TTC6: variants seen among roughly 807,000 people sequenced by gnomAD.
TTC6 encodes the protein tetratricopeptide repeat protein 6.
In TTC6, 172 loss-of-function variants were observed where a neutral mutation model predicts 210.4. The observed-to-expected ratio is 0.82, with a 90% CI of 0.72 to 0.93. The LOEUF (loss-of-function observed/expected upper bound fraction) is 0.93, where lower values mean the gene tolerates loss of function less well. TTC6 is among the 40% of genes least tolerant of loss of function. The probability of loss-of-function intolerance (pLI) is 0.00; values close to 1 mark genes in which losing one functional copy is unlikely to be tolerated. For missense variants in TTC6, 2,414 were observed against 2,318.1 expected, an observed-to-expected ratio of 1.04 and a Z score of -0.85; for synonymous variants, 804 against 819.6, an observed-to-expected ratio of 0.98 and a Z score of 0.32.
At chr14:37,759,790 T>C (rs555630344) in intron 14 of TTC6, among the ~76,000 whole-genome samples, 83 of 152,342 alleles carry the variant, frequency 5.4e-4, no homozygotes, top group African/African-American at 1.8e-3. Context: ...CTTGATTGAT[T>C]TGGCTATTGA....
intron 14 of TTC6, among the ~76,000 whole-genome samples, chr14:37,773,013 A>AT (rs1198702753): frequency 6.6e-6 from 1 of 152,008 alleles, no homozygotes; most frequent in Non-Finnish European, 1.5e-5. Context: ...GATATTGAGC[A>AT]TTTTTTCATA....
intron 29 of TTC6, among the ~76,000 whole-genome samples, chr14:37,835,962 C>T (rs1357807840): frequency 1.3e-5 from 2 of 152,140 alleles, no homozygotes; most frequent in Admixed American, 1.3e-4. Flanking sequence ...TTTCTCTGCT[C>T]AGAAAGTCCA....
chr14:37,612,969 T>C (rs2095637039), intron 2 of TTC6, among the ~76,000 whole-genome samples: 1 of 152,194 alleles, frequency 6.6e-6, no homozygotes, highest in Admixed American at 6.5e-5. Flanking sequence ...TTTATTACTT[T>C]TATTTCTTTA....
intron 1 of TTC6, among the ~76,000 whole-genome samples, chr14:37,665,719 T>C (rs2095746653): frequency 6.6e-6 from 1 of 150,638 alleles, no homozygotes; most frequent in African/African-American, 2.4e-5. Flanking sequence ...GAAAAAGGGC[T>C]ATGTGAGAAG....
intron 5 of TTC6, among the ~76,000 whole-genome samples, chr14:37,714,166 T>C (rs2095848820): frequency 6.6e-6 from 1 of 152,168 alleles, no homozygotes; most frequent in Non-Finnish European, 1.5e-5. Context: ...TATATTCTCA[T>C]GTATATGTAG....
At chr14:37,842,132 T>G in intron 30 of TTC6, 23 bp from the exon 33 acceptor site, 1 of 1,493,998 alleles carries the variant, frequency 6.7e-7, no homozygotes, top group African/African-American at 1.4e-5. Flanking sequence ...CTTAAATATA[T>G]CTTGATTTTT....
intron 9 of TTC6, among the ~76,000 whole-genome samples, chr14:37,738,121 G>A (rs2095906966): frequency 6.6e-6 from 1 of 150,992 alleles, no homozygotes; most frequent in Admixed American, 6.6e-5. Flanking sequence ...TTTATCTTGT[G>A]TAAGTAATGA....
At chr14:37,756,808 C>CTT (rs530310304) in intron 14 of TTC6, among the ~76,000 whole-genome samples, 1 of 151,166 alleles carries the variant, frequency 6.6e-6, no homozygotes, top group African/African-American at 2.4e-5. Context: ...CTGAAATTTT[C>CTT]TTTTTTTTTG....
Position 37,665,466 on chromosome 14 carries a change from T to G in TTC6, c.940-14685T>G, listed in dbSNP as rs1012117154. 2.5e-4 allele frequency among the ~76,000 whole-genome samples: 37 copies of G among 149,896 alleles called. 5 individuals are homozygous for G. The highest frequency in any genetic ancestry group is 4.5e-5 in the Non-Finnish European group (3 of 66,806). On this transcript the variant is annotated intron_variant, in intron 1 of 30. Transcript: ENST00000553443. ...GAATGATGAGAACACATGGACACAT[T>G]GAGGGAGAACAACACACACTGGAGC...
intron 14 of TTC6, among the ~76,000 whole-genome samples, chr14:37,774,794 A>G (rs906502875): frequency 1.3e-5 from 2 of 152,130 alleles, no homozygotes; most frequent in African/African-American, 2.4e-5. Flanking sequence ...TATTTTTGTA[A>G]TGGTTTCAGT....
chr14:37,688,821 A>G (rs1224841587), intron 3 of TTC6, among the ~76,000 whole-genome samples: 1 of 152,128 alleles, frequency 6.6e-6, no homozygotes, highest in African/African-American at 2.4e-5. Context: ...GAATATCTGG[A>G]AAGCCTTCCC....
chr14:37,616,024 A>G (rs933715317), intron 2 of TTC6, among the ~76,000 whole-genome samples: 2 of 152,050 alleles, frequency 1.3e-5, no homozygotes, highest in African/African-American at 4.8e-5. Context: ...GAATGTTGTT[A>G]TTTTCCATTT....
intron 5 of TTC6, among the ~76,000 whole-genome samples, chr14:37,704,769 G>A (rs1038179858): frequency 1.3e-5 from 2 of 151,836 alleles, no homozygotes; most frequent in Non-Finnish European, 2.9e-5. Flanking sequence ...ATCTTAGAAA[G>A]GGTGTTTATA....
intron 2 of TTC6, among the ~76,000 whole-genome samples, chr14:37,681,636 C>G (rs1957588): frequency 3.3e-5 from 5 of 151,742 alleles, no homozygotes; most frequent in Non-Finnish European, 5.9e-5. Flanking sequence ...ATCCATCCCC[C>G]CTGCCCTCAG....
chr14:37,657,212 C>CAAAAAAAAAAAAAAAAA (rs61052302), intron 1 of TTC6, among the ~76,000 whole-genome samples: 1 of 35,622 alleles, frequency 2.8e-5, no homozygotes, highest in African/African-American at 9.5e-5. Context: ...AACTCTGTCT[C>CAAAAAAAAAAAAAAAAA]AAAAAAAAAA....
exon 12 of TTC6, chr14:37,749,737 T>C: frequency 6.9e-7 from 1 of 1,443,802 alleles, no homozygotes; most frequent in Non-Finnish European, 9.1e-7. Flanking sequence ...AACCATTGTT[T>C]CTCAATGCCT....
intron 6 of TTC6, among the ~76,000 whole-genome samples, chr14:37,716,520 T>C (rs2095853022): frequency 6.6e-6 from 1 of 151,980 alleles, no homozygotes; most frequent in Non-Finnish European, 1.5e-5. Context: ...CAAAGAAAAG[T>C]GGGAATGGCT....
At chr14:37,771,234 A>G (rs1473845399) in intron 14 of TTC6, among the ~76,000 whole-genome samples, 1 of 152,080 alleles carries the variant, frequency 6.6e-6, no homozygotes, top group African/African-American at 2.4e-5. Flanking sequence ...GCTGCACTTA[A>G]CATTTTTTCC....
intron 1 of TTC6, among the ~76,000 whole-genome samples, chr14:37,669,487 C>T (rs1340184270): frequency 3.3e-5 from 5 of 152,172 alleles, no homozygotes; most frequent in African/African-American, 1.2e-4. Context: ...TAAGGAAGTG[C>T]TGCCTTCTAT....
Sources: gnomAD v4.1 joint callset for allele counts (sites outside exome capture counted in the v4.1 genomes callset) on GRCh38, gnomAD v4.1.1 for gene constraint, MANE v1.5 for transcripts, NCBI Gene and HGNC (gene_info 2026-07-23, HGNC 2026-07-21) for gene names.